The following MYCBP2 variants were observed in gnomAD, a reference collection of about 807,000 sequenced individuals.
MYCBP2 encodes the protein E3 ubiquitin-protein ligase MYCBP2.
A neutral mutation model predicts 525.3 loss-of-function variants in MYCBP2; 120 were observed. The observed-to-expected ratio is 0.23, with a 90% CI of 0.20 to 0.27. The LOEUF (loss-of-function observed/expected upper bound fraction) is 0.27. MYCBP2 is among the 10% of genes least tolerant of loss of function. The pLI, the probability that MYCBP2 is intolerant of heterozygous loss-of-function variation, is 1.00. For missense variants in MYCBP2, 4,149 were observed against 5,657.1 expected (o/e 0.73, Z 8.55); for synonymous variants, 1,894 against 1,955.8 (o/e 0.97, Z 0.83).
At chr13:77,083,665 G>C (rs1314905629) in intron 62 of MYCBP2, among the ~76,000 whole-genome samples, 1 of 152,012 alleles carries the variant, frequency 6.6e-6, no homozygotes, top group African/African-American at 2.4e-5. Context: ...TACGCAAATG[G>C]ACCACAGCTA....
Position 77,250,122 on chromosome 13 carries a change from T to C in MYCBP2, c.2381+1029A>G, listed in dbSNP as rs1283450105. Among the ~76,000 whole-genome samples the C allele has an allele frequency of 4.0e-5, 6 of 149,322 alleles. No homozygotes were observed. In the East Asian group the frequency reaches 5.9e-4, roughly 15 times the overall value. On this transcript the variant is annotated intron_variant, in intron 15 of 82. Transcript: ENST00000544440. ...CCTGTAGTCCCAGCTACTTGGGAGG[T>C]CGAGGCAGGAGAATGGCGTGAACCC...
At chr13:77,266,761 A>G (rs563055009) in intron 8 of MYCBP2, among the ~76,000 whole-genome samples, 6 of 150,150 alleles carry the variant, frequency 4.0e-5, no homozygotes, top group Non-Finnish European at 8.9e-5. Flanking sequence ...AAAAAAAAAA[A>G]AAAAAAACCC....
chr13:77,065,659 A>G (rs1464984341), intron 72 of MYCBP2, among the ~76,000 whole-genome samples: 1 of 152,198 alleles, frequency 6.6e-6, no homozygotes, highest in Non-Finnish European at 1.5e-5. Flanking sequence ...AGAAACTTCC[A>G]CTTTCGAGAG....
At chr13:77,303,133 G>A (rs1040884571) in intron 1 of MYCBP2, among the ~76,000 whole-genome samples, 1 of 152,204 alleles carries the variant, frequency 6.6e-6, no homozygotes, top group Non-Finnish European at 1.5e-5. Flanking sequence ...AGGTGTTCGA[G>A]ACCAGCCTCA....
At chr13:77,195,459 T>C (rs2061668180) in intron 26 of MYCBP2, among the ~76,000 whole-genome samples, 1 of 152,022 alleles carries the variant, frequency 6.6e-6, no homozygotes, top group Non-Finnish European at 1.5e-5. Context: ...TAGCTGGGCG[T>C]GGTGGCACAT....
At chr13:77,151,785 T>G (rs2056494004) in intron 46 of MYCBP2, among the ~76,000 whole-genome samples, 1 of 152,236 alleles carries the variant, frequency 6.6e-6, no homozygotes, top group Admixed American at 6.5e-5. Context: ...AACTACTATT[T>G]CTGAAAAATA....
At position 77,296,501 on chromosome 13, in the gene MYCBP2, C is replaced by T. The variant is rs556057130; in HGVS notation, c.378+98G>A. ...TTTTACAAAATTACTTCAGCACATA[C>T]TAATAAAATGGTTTAATTATATTTT... On this transcript the variant is annotated intron_variant, in intron 2 of 82. Coordinates refer to ENST00000544440, the MANE Select transcript of MYCBP2 (RefSeq NM_015057.5). The T allele has an allele frequency of 2.3e-6, 3 of 1,312,286 alleles. No individual in the cohort carries two copies. In the South Asian group the frequency reaches 4.8e-5, roughly 21 times the overall value. The allele number at this position is 1,312,286 out of a possible 1,614,324, so 81.3% of individuals were successfully genotyped here.
At chr13:77,057,994 C>CGCCCAGCT (rs1312515724) in intron 78 of MYCBP2, among the ~76,000 whole-genome samples, 1 of 152,014 alleles carries the variant, frequency 6.6e-6, no homozygotes, top group Non-Finnish European at 1.5e-5. Context: ...CCCACCACCA[C>CGCCCAGCT]GCCCAGCTAA....
At chr13:77,180,487 T>G (rs56175548) in intron 33 of MYCBP2, among the ~76,000 whole-genome samples, 169 bp from the exon 34 acceptor site, 3,411 of 152,354 alleles carry the variant, frequency 0.022, 59 homozygotes, top group Middle Eastern at 0.075. Flanking sequence ...TTAGAAGTTC[T>G]TTTTTGAATT....
intron 32 of MYCBP2, among the ~76,000 whole-genome samples, chr13:77,183,526 T>C (rs987043714): frequency 2.0e-5 from 3 of 148,962 alleles, no homozygotes; most frequent in Non-Finnish European, 3.0e-5. Flanking sequence ...TTGTTTATAG[T>C]GATAGTCCCT....
chr13:77,286,562 G>A (rs2076787347), intron 3 of MYCBP2, among the ~76,000 whole-genome samples: 1 of 149,808 alleles, frequency 6.7e-6, no homozygotes, highest in Non-Finnish European at 1.5e-5. Context: ...GACCATCCCG[G>A]CTAACACGGT....
In MYCBP2 at chr13:77,058,138, C is replaced by T. The variant is rs851507; in HGVS notation, c.13329+80G>A. The T allele has an allele frequency of 1.0e-3, 1,515 of 1,498,382 alleles. 10 individuals are homozygous for T. The African/African-American group carries it at 0.018, about 18-fold the overall frequency. The allele number at this position is 1,498,382 out of a possible 1,614,324, so 92.8% of individuals were successfully genotyped here. On this transcript the variant is annotated intron_variant, in intron 78 of 82. Transcript: ENST00000544440. This position sits in a 1 kb window ranked among gnomAD's most constrained non-coding sequence, Gnocchi z 4.1. Reference sequence around the variant, plus strand: ...TACAGGCATGAGCCACTGCGCCCGGCCTCAATCAATGTTTATTTGACAAAT... The same window carrying T: ...TACAGGCATGAGCCACTGCGCCCGGTCTCAATCAATGTTTATTTGACAAAT...
intron 17 of MYCBP2, among the ~76,000 whole-genome samples, chr13:77,236,503 A>C (rs1455813756): frequency 6.6e-6 from 1 of 152,198 alleles, no homozygotes; most frequent in African/African-American, 2.4e-5. Flanking sequence ...GAAAACTCTA[A>C]AATATTTTTA....
Position 77,267,903 on chromosome 13 carries a change from C to T in MYCBP2, c.1295G>A (p.Ser432Asn), listed in dbSNP as rs201140348. The change falls in exon 8 of 83, where the codon AGC becomes AAC. Residue 432 changes from serine (S) to asparagine (N), a missense_variant. Coordinates refer to ENST00000544440, the MANE Select transcript of MYCBP2 (RefSeq NM_015057.5). Reference protein sequence around the residue: ...YLLYRDVNNHSMTAIRISPET... With the variant: ...YLLYRDVNNHNMTAIRISPET... ...AGGGCTTATCCTTATGGCTGTCATG[C>T]TGTGGTTATTCACATCTCTATATAA... The T allele has an allele frequency of 1.9e-6, 3 of 1,613,786 alleles. No individual in the cohort carries two copies. Among genetic ancestry groups the T allele is most frequent in the East Asian group, 4.5e-5 (2 of 44,812 alleles).
chr13:77,288,527 T>G, intron 2 of MYCBP2, 151 bp from the exon 3 acceptor site: 1 of 680,690 alleles, frequency 1.5e-6, no homozygotes, highest in Non-Finnish European at 2.4e-6. Context: ...GGACCCAACT[T>G]CTAGTCCCCT....
At chr13:77,223,860 C>T (rs1003976080) in intron 20 of MYCBP2, among the ~76,000 whole-genome samples, 3 of 152,104 alleles carry the variant, frequency 2.0e-5, no homozygotes, top group Admixed American at 2.0e-4. Flanking sequence ...GCAATGGAAG[C>T]TGAGAAAGGG....
intron 1 of MYCBP2, among the ~76,000 whole-genome samples, chr13:77,304,556 T>C (rs887510404): frequency 1.3e-5 from 2 of 152,118 alleles, no homozygotes; most frequent in Admixed American, 6.6e-5. Context: ...GTGACTATCA[T>C]AAACAACAAT....
chr13:77,119,980 C>T (rs2050408295), intron 55 of MYCBP2, among the ~76,000 whole-genome samples: 1 of 152,054 alleles, frequency 6.6e-6, no homozygotes, highest in African/African-American at 2.4e-5. Context: ...ATTTTCTCGG[C>T]AATGTTTGTG....
At chr13:77,208,575 T>C (rs1198434120) in intron 23 of MYCBP2, among the ~76,000 whole-genome samples, 3 of 152,210 alleles carry the variant, frequency 2.0e-5, no homozygotes, top group Non-Finnish European at 4.4e-5. Context: ...CTTGGAAAGA[T>C]CTCTAAATTA....
Sources: gnomAD v4.1 joint callset for allele counts (sites outside exome capture counted in the v4.1 genomes callset) on GRCh38, gnomAD v4.1.1 for gene constraint, Gnocchi (gnomAD v3.1) non-coding constraint, MANE v1.5 for transcripts, NCBI Gene and HGNC (gene_info 2026-07-23, HGNC 2026-07-21) for gene names.